WWC2: variants seen among roughly 807,000 people sequenced by gnomAD.
WWC2 encodes the protein protein WWC2.
Under a neutral mutation model 138.5 loss-of-function variants are expected in WWC2, and 101 were observed. The ratio of observed to expected loss-of-function variants is 0.73; its 90% CI spans 0.62 to 0.86. WWC2 has a LOEUF of 0.86. WWC2 is among the 40% of genes least tolerant of loss of function. WWC2 has a pLI of 0.00. For missense variants in WWC2, 1,420 were observed against 1,419.4 expected, an observed-to-expected ratio of 1.00 and a Z score of -0.01; for synonymous variants, 558 against 538.4, an observed-to-expected ratio of 1.04 and a Z score of -0.50.
intron 21 of WWC2, among the ~76,000 whole-genome samples, chr4:183,307,239 G>C (rs1739051412): frequency 6.6e-6 from 1 of 152,092 alleles, no homozygotes; most frequent in African/African-American, 2.4e-5. Flanking sequence ...ATAACAGATG[G>C]GTCAAAGGAG....
chr4:183,283,788 T>G (rs1738157851), intron 18 of WWC2, among the ~76,000 whole-genome samples: 2 of 152,260 alleles, frequency 1.3e-5, no homozygotes, highest in South Asian at 4.1e-4. Flanking sequence ...ATATTTCATT[T>G]TCTTATATTT....
chr4:183,250,103 G>T, intron 8 of WWC2, 110 bp downstream of exon 8: 5 of 986,436 alleles, frequency 5.1e-6, no homozygotes, highest in Non-Finnish European at 7.5e-6. Flanking sequence ...TTCTTACCAA[G>T]GCCACCCTTC....
chr4:183,249,219 A>G (rs1736896755), intron 7 of WWC2, among the ~76,000 whole-genome samples: 1 of 152,230 alleles, frequency 6.6e-6, no homozygotes, highest in Admixed American at 6.5e-5. Context: ...GAAACAGAAA[A>G]ACATGCCTTT....
Position 183,284,280 on chromosome 4 carries a change from C to T in WWC2, c.2938C>T (p.Pro980Ser). The T allele has an allele frequency of 1.2e-6, 2 of 1,613,968 alleles. No homozygotes were observed. Among genetic ancestry groups the T allele is most frequent in the Non-Finnish European group, 1.7e-6 (2 of 1,179,882 alleles). The change falls in exon 19 of 23, where the codon CCC (proline) becomes TCC (serine). Residue 980 changes from proline (P) to serine (S), a missense_variant. Pro to Ser is a moderately conservative substitution (Grantham distance 74, BLOSUM62 -1). Coordinates refer to ENST00000403733, the MANE Select transcript of WWC2 (RefSeq NM_024949.6). Reference protein sequence around the residue: ...EAANDNMAVRPKERSSLSSRQ... With the variant: ...EAANDNMAVRSKERSSLSSRQ... ...CGCTAATGACAATATGGCAGTTCGCCCCAAAGAGCGCAGCAGCCTGAGCTC... is the reference window on the plus strand; with the variant it reads ...CGCTAATGACAATATGGCAGTTCGCTCCAAAGAGCGCAGCAGCCTGAGCTC...
chr4:183,149,344 C>T (rs779268528), intron 1 of WWC2, among the ~76,000 whole-genome samples: 19 of 151,994 alleles, frequency 1.3e-4, no homozygotes, highest in Non-Finnish European at 2.5e-4. Context: ...AATCTTTGGC[C>T]GGGCGCGGTG....
intron 21 of WWC2, among the ~76,000 whole-genome samples, chr4:183,308,910 CCA>C (rs1458377359): frequency 1.3e-5 from 2 of 151,988 alleles, no homozygotes; most frequent in African/African-American, 4.8e-5. Flanking sequence ...GATGTGGATC[CCA>C]CAGATACAGA....
At chr4:183,218,512 C>T (rs1214126984) in intron 4 of WWC2, among the ~76,000 whole-genome samples, 1 of 152,182 alleles carries the variant, frequency 6.6e-6, no homozygotes, top group African/African-American at 2.4e-5. Flanking sequence ...GATTTTGATA[C>T]ATATCTTCTA....
chr4:183,280,650 A>G (rs1350969736), intron 16 of WWC2, 126 bp from the exon 17 acceptor site: 19 of 1,054,278 alleles, frequency 1.8e-5, no homozygotes, highest in Non-Finnish European at 2.5e-5. Context: ...TTCAGCTTTC[A>G]TATTTGTTTT....
chr4:183,247,152 G>A (rs1736803797), intron 6 of WWC2, among the ~76,000 whole-genome samples: 1 of 152,006 alleles, frequency 6.6e-6, no homozygotes, highest in South Asian at 2.1e-4. Flanking sequence ...ACACACAATT[G>A]TGTGTACCTA....
intron 1 of WWC2, among the ~76,000 whole-genome samples, chr4:183,181,597 A>G (rs1734634681): frequency 6.6e-6 from 1 of 152,022 alleles, no homozygotes; most frequent in Non-Finnish European, 1.5e-5. Flanking sequence ...TCTCCAGCTT[A>G]GTTTATTGTA....
intron 1 of WWC2, among the ~76,000 whole-genome samples, chr4:183,160,063 A>C: frequency 6.6e-6 from 1 of 152,172 alleles, no homozygotes; most frequent in Non-Finnish European, 1.5e-5. Flanking sequence ...TTGAAATTTC[A>C]CCTTCCACAG....
At chr4:183,310,783 T>TCA in intron 21 of WWC2, among the ~76,000 whole-genome samples, 1 of 150,222 alleles carries the variant, frequency 6.7e-6, no homozygotes, top group Non-Finnish European at 1.5e-5. Flanking sequence ...CTTCATCTGT[T>TCA]TTGTTCACAA....
intron 4 of WWC2, among the ~76,000 whole-genome samples, chr4:183,216,981 G>A (rs377257409): frequency 2.0e-4 from 31 of 152,322 alleles, no homozygotes; most frequent in African/African-American, 7.5e-4. Context: ...AGCCAGCATA[G>A]AGACATAGAA....
At chr4:183,107,808 G>T (rs1272371410) in intron 1 of WWC2, among the ~76,000 whole-genome samples, 1 of 151,656 alleles carries the variant, frequency 6.6e-6, no homozygotes, top group Non-Finnish European at 1.5e-5. Flanking sequence ...TGGACTCTGG[G>T]AGATAAAGAT....
At chr4:183,260,119 A>G (rs570362275) in intron 10 of WWC2, among the ~76,000 whole-genome samples, 13 of 152,152 alleles carry the variant, frequency 8.5e-5, no homozygotes, top group Non-Finnish European at 1.5e-4. Context: ...AGCGAACCCA[A>G]GGGTCTTTTG....
At chr4:183,177,097 G>A (rs1234083639) in intron 1 of WWC2, among the ~76,000 whole-genome samples, 2 of 152,134 alleles carry the variant, frequency 1.3e-5, no homozygotes, top group East Asian at 3.9e-4. Context: ...GAGGACTAGA[G>A]CAATAAAGGA....
chr4:183,172,417 T>C (rs1414975004), intron 1 of WWC2, among the ~76,000 whole-genome samples: 1 of 152,178 alleles, frequency 6.6e-6, no homozygotes, highest in Admixed American at 6.5e-5. Context: ...ATTATTCTGC[T>C]CTCATATGTG....
chr4:183,181,610 G>C (rs1734635025), intron 1 of WWC2, among the ~76,000 whole-genome samples: 1 of 151,566 alleles, frequency 6.6e-6, no homozygotes, highest in South Asian at 2.1e-4. Context: ...TTATTGTAAG[G>C]ATACAGTATA....
chr4:183,134,547 A>G (rs1345885495), intron 1 of WWC2, among the ~76,000 whole-genome samples: 1 of 152,152 alleles, frequency 6.6e-6, no homozygotes, highest in African/African-American at 2.4e-5. Flanking sequence ...TTTACAGACA[A>G]CTGTTCTGTA....
Sources: gnomAD v4.1 joint callset for allele counts (sites outside exome capture counted in the v4.1 genomes callset) on GRCh38, gnomAD v4.1.1 for gene constraint, MANE v1.5 for transcripts, NCBI Gene and HGNC (gene_info 2026-07-23, HGNC 2026-07-21) for gene names.